Variants in CBR4 observed in about 807,000 individuals in gnomAD.
The protein encoded by CBR4 is carbonyl reductase 4.
In CBR4, 22 loss-of-function variants were observed where a neutral mutation model predicts 21.0. The observed-to-expected ratio is 1.05, with a 90% CI of 0.75 to 1.50. CBR4 has a LOEUF of 1.50. Among genes scored for constraint, CBR4 ranks in the 40% most tolerant of loss-of-function variants. The pLI is 0.00. For synonymous variants in CBR4, 100 were observed against 104.4 expected (o/e 0.96, Z 0.26); for missense variants, 302 against 286.3 (o/e 1.05, Z -0.40).
chr4:168,932,187 T>TC (rs527403612), intron 2 of CBR4, among the ~76,000 whole-genome samples: 128 of 151,790 alleles, frequency 8.4e-4, no homozygotes, highest in African/African-American at 3.0e-3. Flanking sequence ...GCTAAACTGT[T>TC]CCCTCAAATC....
At chr4:168,922,667 ATG>A (rs1210180233) in intron 2 of CBR4, among the ~76,000 whole-genome samples, 2 of 152,244 alleles carry the variant, frequency 1.3e-5, no homozygotes, top group East Asian at 3.8e-4. Context: ...TCACATAAAA[ATG>A]TGGTAAATAT....
At chr4:169,002,945 T>C (rs1308004497) in intron 3 of CBR4, among the ~76,000 whole-genome samples, 2 of 152,204 alleles carry the variant, frequency 1.3e-5, no homozygotes, top group African/African-American at 4.8e-5. Flanking sequence ...TGATTCTTGA[T>C]GTTTACTGCT....
At chr4:168,912,326 C>T (rs745874036) in intron 2 of CBR4, among the ~76,000 whole-genome samples, 5 of 152,222 alleles carry the variant, frequency 3.3e-5, no homozygotes, top group Non-Finnish European at 5.9e-5. Flanking sequence ...ATTGATGGTA[C>T]ATCTGCTTCT....
At chr4:168,998,053 A>G (rs1178603008) in intron 4 of CBR4, among the ~76,000 whole-genome samples, 2 of 152,230 alleles carry the variant, frequency 1.3e-5, no homozygotes, top group African/African-American at 4.8e-5. Flanking sequence ...CTGAGTAGCT[A>G]ACAAACTCAT....
intron 2 of CBR4, among the ~76,000 whole-genome samples, chr4:168,930,470 T>C (rs1349208266): frequency 1.3e-5 from 2 of 152,206 alleles, no homozygotes; most frequent in African/African-American, 2.4e-5. Context: ...TTTACTTCTA[T>C]TGGCAGGGAT....
At chr4:168,993,385 A>C (rs2126818060) in intron 4 of CBR4, among the ~76,000 whole-genome samples, 1 of 152,076 alleles carries the variant, frequency 6.6e-6, no homozygotes, top group South Asian at 2.1e-4. Flanking sequence ...TAATTTTTGT[A>C]TTACTAGTAG....
chr4:168,950,138 T>C (rs1046737420), intron 2 of CBR4, among the ~76,000 whole-genome samples: 1 of 152,156 alleles, frequency 6.6e-6, no homozygotes, highest in African/African-American at 2.4e-5. Flanking sequence ...ATCTTGGTTA[T>C]TTCCTTTCTT....
At chr4:168,901,367 C>T (rs986249981) in intron 2 of CBR4, among the ~76,000 whole-genome samples, 2 of 152,036 alleles carry the variant, frequency 1.3e-5, no homozygotes, top group African/African-American at 4.8e-5. Context: ...GTGCTTGTGC[C>T]CTCCCGAATT....
At chr4:168,942,582 G>A (rs1179295125) in intron 2 of CBR4, among the ~76,000 whole-genome samples, 2 of 151,980 alleles carry the variant, frequency 1.3e-5, no homozygotes, top group African/African-American at 4.8e-5. Context: ...AAGATTTTAT[G>A]AGTAAGACCT....
At chr4:168,900,976 T>C (rs1274417355) in intron 2 of CBR4, among the ~76,000 whole-genome samples, 3 of 152,230 alleles carry the variant, frequency 2.0e-5, no homozygotes, top group Non-Finnish European at 2.9e-5. Flanking sequence ...TATAGAATAC[T>C]ACATTAACAT....
At chr4:168,897,423 T>G (rs1755447120) in intron 2 of CBR4, among the ~76,000 whole-genome samples, 2 of 152,158 alleles carry the variant, frequency 1.3e-5, no homozygotes, top group South Asian at 4.1e-4. Flanking sequence ...ATAGGGAATA[T>G]TTACATAGAC....
At chr4:168,965,714 CT>C (rs1764003211) in intron 2 of CBR4, among the ~76,000 whole-genome samples, 1 of 152,192 alleles carries the variant, frequency 6.6e-6, no homozygotes. Context: ...AAAGCTGAAA[CT>C]GGATCCTTTC....
chr4:168,999,401 T>C (rs1265013125), intron 4 of CBR4, among the ~76,000 whole-genome samples: 2 of 152,078 alleles, frequency 1.3e-5, no homozygotes, highest in Non-Finnish European at 2.9e-5. Context: ...ACAGAACTGA[T>C]TTAATTCTAC....
chr4:168,956,440 A>C (rs147433681), intron 2 of CBR4, among the ~76,000 whole-genome samples: 323 of 151,818 alleles, frequency 2.1e-3, no homozygotes, highest in Non-Finnish European at 2.8e-3. Context: ...ACAAAAAAAA[A>C]CACAAAAATT....
chr4:169,007,709 G>T lies in CBR4; in HGVS notation c.190C>A (p.Gln64Lys). 1.3e-6 allele frequency: 2 copies of T among 1,592,968 alleles called. No individual in the cohort carries two copies. The highest frequency in any genetic ancestry group is 2.3e-5 in the South Asian group (2 of 87,480). Residue 64 changes from glutamine (Q) to lysine (K), a missense_variant, in exon 2 of 5, where the codon CAA (glutamine) becomes AAA (lysine). Physicochemically the swap from Gln to Lys is moderately conservative, Grantham distance 53 (BLOSUM62 1). Coordinates refer to ENST00000306193, the MANE Select transcript of CBR4 (RefSeq NM_032783.5). ...SCDVAKEHDV[Q>K]NTFEELEKHL... ...TTCTCCAGCTCTTCAAATGTATTTT[G>T]AACATCATGTTCTTTAGCAACATCA...
chr4:168,996,934 A>T (rs1299491931), intron 4 of CBR4, among the ~76,000 whole-genome samples: 1 of 152,220 alleles, frequency 6.6e-6, no homozygotes, highest in East Asian at 1.9e-4. Flanking sequence ...CATATCATGT[A>T]TCACAGACCT....
chr4:168,977,986 T>C (rs1049847851), intron 2 of CBR4, among the ~76,000 whole-genome samples: 1 of 152,162 alleles, frequency 6.6e-6, no homozygotes, highest in Non-Finnish European at 1.5e-5. Context: ...CTTTCAACCT[T>C]TTCTCCATAC....
intron 2 of CBR4, among the ~76,000 whole-genome samples, chr4:168,980,205 C>A (rs1764501241): frequency 6.6e-6 from 1 of 151,786 alleles, no homozygotes. Context: ...GAGTACCAAG[C>A]TGAGGTCTGC....
chr4:168,903,752 C>A (rs999804738), intron 2 of CBR4: 10 of 1,606,780 alleles, frequency 6.2e-6, no homozygotes, highest in Non-Finnish European at 8.5e-6. Context: ...TGTTTCTATT[C>A]ACAGATCTAT....
Sources: gnomAD v4.1 joint callset for allele counts (sites outside exome capture counted in the v4.1 genomes callset) on GRCh38, gnomAD v4.1.1 for gene constraint, MANE v1.5 for transcripts, NCBI Gene and HGNC (gene_info 2026-07-23, HGNC 2026-07-21) for gene names.